Variants in LPP observed in about 807,000 individuals in gnomAD.
LPP encodes the protein LIM domain containing preferred translocation partner in lipoma, also known as lipoma-preferred partner.
A neutral mutation model predicts 60.4 loss-of-function variants in LPP; 38 were observed. That is an observed-to-expected ratio of 0.63 (90% CI 0.49 to 0.83). The LOEUF (loss-of-function observed/expected upper bound fraction) is 0.83, where lower values mean the gene tolerates loss of function less well. LPP is among the 40% of genes least tolerant of loss of function. The pLI is 0.00. For missense variants in LPP, 902 were observed against 783.6 expected (o/e 1.15, Z -1.80); for synonymous variants, 328 against 290.8 (o/e 1.13, Z -1.30).
intron 9 of LPP, 78 bp from the exon 10 acceptor site, chr3:188,866,122 T>G (rs1203606409): frequency 1.7e-6 from 2 of 1,201,614 alleles, no homozygotes; most frequent in African/African-American, 3.1e-5. Context: ...TGAGACAATC[T>G]GTTTTGTAAA....
At chr3:188,386,227 C>A (rs1033666254) in intron 3 of LPP, among the ~76,000 whole-genome samples, 3 of 148,030 alleles carry the variant, frequency 2.0e-5, no homozygotes, top group Non-Finnish European at 4.5e-5. Flanking sequence ...TTGGAAAGTG[C>A]ACCTTCAGTA....
intron 2 of LPP, among the ~76,000 whole-genome samples, chr3:188,296,941 A>T (rs1748106900): frequency 6.6e-6 from 1 of 152,188 alleles, no homozygotes; most frequent in Non-Finnish European, 1.5e-5. Flanking sequence ...AGTGGGAGGG[A>T]GGCAAACAAG....
At chr3:188,837,042 T>A (rs965670167) in intron 9 of LPP, among the ~76,000 whole-genome samples, 1 of 152,138 alleles carries the variant, frequency 6.6e-6, no homozygotes, top group African/African-American at 2.4e-5. Context: ...TTTTCATAAA[T>A]ATGTAGCATT....
At chr3:188,276,845 G>A (rs1740002929) in intron 2 of LPP, among the ~76,000 whole-genome samples, 1 of 140,422 alleles carries the variant, frequency 7.1e-6, no homozygotes, top group Admixed American at 7.1e-5. Flanking sequence ...TCTATAGCCT[G>A]TAGAACTGTG....
chr3:188,492,437 G>A (rs1266632970), intron 5 of LPP, among the ~76,000 whole-genome samples: 1 of 152,146 alleles, frequency 6.6e-6, no homozygotes, highest in Non-Finnish European at 1.5e-5. Flanking sequence ...GCTCACACCT[G>A]TAATACCAGT....
At chr3:188,445,921 A>G (rs1022727733) in intron 4 of LPP, among the ~76,000 whole-genome samples, 3 of 152,188 alleles carry the variant, frequency 2.0e-5, no homozygotes, top group Non-Finnish European at 2.9e-5. Flanking sequence ...GTTTCCTATC[A>G]GTTTTATCAT....
intron 6 of LPP, among the ~76,000 whole-genome samples, chr3:188,581,889 C>A (rs1220040790): frequency 6.6e-6 from 1 of 152,022 alleles, no homozygotes; most frequent in Non-Finnish European, 1.5e-5. Context: ...CTTTATTATC[C>A]AACTTACAGT....
chr3:188,851,423 C>A (rs143859984), intron 9 of LPP, among the ~76,000 whole-genome samples: 3 of 152,140 alleles, frequency 2.0e-5, no homozygotes, highest in Non-Finnish European at 4.4e-5. Flanking sequence ...CAGTGTATTA[C>A]GCTTTTGCAG....
rs536105271 is a variant in LPP at position 188,607,434 on chromosome 3, C to T, written c.430-1727C>T. On this transcript the variant is annotated intron_variant, in intron 6 of 11. Coordinates refer to ENST00000617246, the MANE Select transcript of LPP (RefSeq NM_001375462.1). Reference sequence around the variant, plus strand: ...ATATATATAATTTTTTTTTCCTTTGCAGTTTTACGTGCCTTACATCACGGG... The same window carrying T: ...ATATATATAATTTTTTTTTCCTTTGTAGTTTTACGTGCCTTACATCACGGG... Among the ~76,000 whole-genome samples, 306 of 105,720 alleles carry T rather than the reference C, an allele frequency of 2.9e-3. 6 individuals carry two copies. The highest frequency in any genetic ancestry group is 0.01 in the African/African-American group (285 of 28,102). The allele number at this position is 105,720 out of a possible 152,430, so 69.4% of individuals were successfully genotyped here.
chr3:188,201,897 G>T (rs1731191143), intron 1 of LPP, among the ~76,000 whole-genome samples: 1 of 152,024 alleles, frequency 6.6e-6, no homozygotes, highest in South Asian at 2.1e-4. Context: ...GAGTGTGCTT[G>T]ATGATGTGTA....
rs1182984931 is a variant in LPP at position 188,182,603 on chromosome 3, G to A, written c.-190+28351G>A. ...TAGCACCTGCTATGTGCCAAGTCCTGTGCCCAGCTCTTTACACACATTCTT... is the reference window on the plus strand; with the variant it reads ...TAGCACCTGCTATGTGCCAAGTCCTATGCCCAGCTCTTTACACACATTCTT... On this transcript the variant is annotated intron_variant, in intron 1 of 11. Coordinates refer to ENST00000617246, the MANE Select transcript of LPP (RefSeq NM_001375462.1). This position sits in a 1 kb window ranked among gnomAD's most constrained non-coding sequence, Gnocchi z 4.4. Among the ~76,000 whole-genome samples the A allele has an allele frequency of 6.6e-6, 1 of 152,074 alleles. No individual in the cohort carries two copies. Among genetic ancestry groups the A allele is most frequent in the African/African-American group, 2.4e-5 (1 of 41,404 alleles).
chr3:188,581,971 C>G (rs201471083), intron 6 of LPP, among the ~76,000 whole-genome samples: 1 of 151,350 alleles, frequency 6.6e-6, no homozygotes, highest in Non-Finnish European at 1.5e-5. Flanking sequence ...CAGAGTTTCC[C>G]TTTTGTACTT....
intron 1 of LPP, among the ~76,000 whole-genome samples, chr3:188,206,161 C>T (rs55893211): frequency 0.016 from 2,418 of 152,224 alleles, 32 homozygotes; most frequent in Non-Finnish European, 0.024. Context: ...TTCAAATCCC[C>T]GTCTCAGTGG....
In LPP at chr3:188,630,895, C is replaced by T. The variant is rs546746000; in HGVS notation, c.1113+21051C>T. ...GCAGGGACATGGATGGAGCTGGAGGCCATTATTCTTAGCAAACTAACATGA... is the reference window on the plus strand; with the variant it reads ...GCAGGGACATGGATGGAGCTGGAGGTCATTATTCTTAGCAAACTAACATGA... On this transcript the variant is annotated intron_variant, in intron 7 of 11. Coordinates refer to ENST00000617246, the MANE Select transcript of LPP (RefSeq NM_001375462.1). Among the ~76,000 whole-genome samples, 4 of 152,070 alleles carry T rather than the reference C, an allele frequency of 2.6e-5. No individual in the cohort carries two copies. The South Asian group carries it at 8.3e-4, about 31-fold the overall frequency.
intron 9 of LPP, among the ~76,000 whole-genome samples, chr3:188,837,918 C>A (rs1353076521): frequency 6.6e-6 from 1 of 151,938 alleles, no homozygotes; most frequent in Non-Finnish European, 1.5e-5. Flanking sequence ...TTAGGTAATT[C>A]AGGAGCCCTA....
At chr3:188,592,449 A>C (rs1321472215) in intron 6 of LPP, among the ~76,000 whole-genome samples, 1 of 151,908 alleles carries the variant, frequency 6.6e-6, no homozygotes, top group African/African-American at 2.4e-5. Flanking sequence ...TTACCAAAAC[A>C]GTTGTTATCA....
At chr3:188,164,112 C>T (rs73887371) in intron 1 of LPP, among the ~76,000 whole-genome samples, 3,611 of 152,076 alleles carry the variant, frequency 0.024, 144 homozygotes, top group African/African-American at 0.083. Flanking sequence ...GTGGGAGAGG[C>T]GCATGTGAAG....
intron 6 of LPP, among the ~76,000 whole-genome samples, chr3:188,531,852 A>T (rs920690422): frequency 2.0e-5 from 3 of 152,098 alleles, no homozygotes; most frequent in African/African-American, 7.2e-5. Context: ...TGGGAAGGGG[A>T]TAATGGCAAA....
intron 7 of LPP, among the ~76,000 whole-genome samples, chr3:188,627,694 C>T (rs548945288): frequency 6.6e-6 from 1 of 152,216 alleles, no homozygotes; most frequent in African/African-American, 2.4e-5. Context: ...ACTCCACTGA[C>T]ATTTCTAGAG....
Sources: gnomAD v4.1 joint callset for allele counts (sites outside exome capture counted in the v4.1 genomes callset) on GRCh38, gnomAD v4.1.1 for gene constraint, Gnocchi (gnomAD v3.1) non-coding constraint, MANE v1.5 for transcripts, NCBI Gene and HGNC (gene_info 2026-07-23, HGNC 2026-07-21) for gene names.